Variants in TSPAN14 observed in about 807,000 individuals in gnomAD.
TSPAN14 encodes the protein tetraspanin 14.
In TSPAN14, 16 loss-of-function variants were observed where a neutral mutation model predicts 36.6. The observed-to-expected ratio is 0.44, with a 90% CI of 0.30 to 0.66. The LOEUF (loss-of-function observed/expected upper bound fraction) is 0.66. Ranked by LOEUF, TSPAN14 falls within the 30% of genes least tolerant of loss-of-function variation. The probability of loss-of-function intolerance (pLI) is 0.12; values close to 1 mark genes in which losing one functional copy is unlikely to be tolerated. For synonymous variants in TSPAN14, 139 were observed against 143.8 expected, an observed-to-expected ratio of 0.97 and a Z score of 0.24; for missense variants, 231 against 355.1, an observed-to-expected ratio of 0.65 and a Z score of 2.81.
intron 2 of TSPAN14, among the ~76,000 whole-genome samples, chr10:80,491,878 T>C (rs902285200): frequency 1.3e-5 from 2 of 152,180 alleles, no homozygotes; most frequent in Non-Finnish European, 2.9e-5. Flanking sequence ...GGAGGCCAAG[T>C]GCCTTGCCTA....
At chr10:80,494,930 G>A (rs1303461295) in intron 2 of TSPAN14, among the ~76,000 whole-genome samples, 1 of 152,110 alleles carries the variant, frequency 6.6e-6, no homozygotes, top group Non-Finnish European at 1.5e-5. Context: ...ATGCCCCAGC[G>A]TCCTGTCTGC....
intron 5 of TSPAN14, among the ~76,000 whole-genome samples, chr10:80,510,924 A>G (rs140872688): frequency 1.9e-3 from 292 of 152,264 alleles, no homozygotes; most frequent in African/African-American, 6.7e-3. Flanking sequence ...AAAACTTCCC[A>G]GGGGAGGGAT....
intron 1 of TSPAN14, among the ~76,000 whole-genome samples, chr10:80,474,674 A>G (rs901064163): frequency 8.5e-5 from 13 of 152,054 alleles, no homozygotes; most frequent in African/African-American, 2.9e-4. Context: ...TGATTATCCC[A>G]TAGGAGGGGC....
chr10:80,517,894 G>A lies in TSPAN14; in HGVS notation c.742-11G>A. 1 of 1,559,936 alleles carries A rather than the reference G, an allele frequency of 6.4e-7. No individual in the cohort carries two copies. The highest frequency in any genetic ancestry group is 8.7e-7 in the Non-Finnish European group (1 of 1,150,736). On this transcript the variant is annotated splice_polypyrimidine_tract_variant and intron_variant, in intron 8 of 8. Transcript: ENST00000429989. ...AGCAATGGCCGCTGACTCTGCTGGT[G>A]TTGGTTTCAGATATTTGGCATCTTC...
intron 1 of TSPAN14, among the ~76,000 whole-genome samples, chr10:80,455,849 G>A (rs545047390): frequency 2.0e-4 from 31 of 152,064 alleles, no homozygotes; most frequent in Non-Finnish European, 3.8e-4. Flanking sequence ...AAAGCACAGG[G>A]ATTACAGGTG....
exon 3 of TSPAN14, chr10:80,504,769 G>T: frequency 6.2e-7 from 1 of 1,614,186 alleles, no homozygotes; most frequent in East Asian, 2.2e-5. Context: ...TGTGGGCATG[G>T]AGCGAAAAGG....
intron 4 of TSPAN14, 118 bp downstream of exon 4, chr10:80,507,492 C>T (rs973732803): frequency 7.1e-7 from 1 of 1,408,004 alleles, no homozygotes; most frequent in Non-Finnish European, 9.7e-7. Flanking sequence ...TCCCCTAGGC[C>T]CCTGCCTGGG....
intron 1 of TSPAN14, among the ~76,000 whole-genome samples, chr10:80,467,626 T>C (rs1846313981): frequency 6.6e-6 from 1 of 152,220 alleles, no homozygotes; most frequent in Non-Finnish European, 1.5e-5. Flanking sequence ...CAGGATCCTT[T>C]GGAAGAAAAT....
At chr10:80,455,425 C>A (rs1442369775) in intron 1 of TSPAN14, among the ~76,000 whole-genome samples, 1 of 152,102 alleles carries the variant, frequency 6.6e-6, no homozygotes, top group Non-Finnish European at 1.5e-5. Flanking sequence ...CAGGTGTGCT[C>A]TTGGCAGTGG....
intron 1 of TSPAN14, among the ~76,000 whole-genome samples, chr10:80,468,904 A>G (rs898414251): frequency 6.6e-6 from 1 of 152,010 alleles, no homozygotes; most frequent in African/African-American, 2.4e-5. Flanking sequence ...AGCCAGCCAC[A>G]CTGTCATGCT....
At chr10:80,512,075 GATGCCCT>G in intron 5 of TSPAN14, 62 bp from the exon 6 acceptor site, 1 of 1,605,142 alleles carries the variant, frequency 6.2e-7, no homozygotes, top group Non-Finnish European at 8.5e-7. Flanking sequence ...CACTATGAAT[GATGCCCT>G]ATGCTGGGCA....
At chr10:80,476,738 GTTTTT>G (rs1031683454) in intron 1 of TSPAN14, among the ~76,000 whole-genome samples, 5 of 151,122 alleles carry the variant, frequency 3.3e-5, no homozygotes, top group Admixed American at 1.3e-4. Flanking sequence ...GTTTTGTTTT[GTTTTT>G]TTTTATATTT....
chr10:80,506,558 T>TC, intron 3 of TSPAN14, among the ~76,000 whole-genome samples: 1 of 152,320 alleles, frequency 6.6e-6, no homozygotes, highest in East Asian at 1.9e-4. Context: ...GGGCTTAGCT[T>TC]CCCCCTTGGC....
chr10:80,516,791 C>G (rs561713552), intron 8 of TSPAN14, among the ~76,000 whole-genome samples: 4 of 152,326 alleles, frequency 2.6e-5, no homozygotes, highest in African/African-American at 9.6e-5. Flanking sequence ...GTCTCTGGCC[C>G]CTGGGCTGGA....
At chr10:80,503,734 C>T (rs1292401272) in intron 2 of TSPAN14, among the ~76,000 whole-genome samples, 2 of 152,016 alleles carry the variant, frequency 1.3e-5, no homozygotes, top group Non-Finnish European at 1.5e-5. Context: ...CCATTCTAGC[C>T]CCTGGGGCTA....
At chr10:80,502,047 G>C (rs1482041647) in intron 2 of TSPAN14, among the ~76,000 whole-genome samples, 1 of 152,224 alleles carries the variant, frequency 6.6e-6, no homozygotes, top group Non-Finnish European at 1.5e-5. Context: ...CATGGAGGAT[G>C]GGGAGCAGTT....
Position 80,517,883 on chromosome 10 carries a change from ACT to A in TSPAN14, c.742-19_742-18del. On this transcript the variant is annotated intron_variant, in intron 8 of 8. Coordinates refer to ENST00000429989, the Ensembl canonical transcript of TSPAN14. ...CTTTGGGCCCCAGCAATGGCCGCTG[ACT>A]CTGCTGGTGTTGGTTTCAGATATTT... 1 of 1,555,666 alleles carries A rather than the reference ACT, an allele frequency of 6.4e-7. No homozygotes were observed. Among genetic ancestry groups the A allele is most frequent in the Non-Finnish European group, 8.7e-7 (1 of 1,148,538 alleles).
chr10:80,473,059 G>T (rs746969807), intron 1 of TSPAN14, among the ~76,000 whole-genome samples: 1 of 152,152 alleles, frequency 6.6e-6, no homozygotes. Flanking sequence ...AAAGTGTCCT[G>T]CTCTGCCTGC....
In TSPAN14 at chr10:80,486,989, T is replaced by C. The variant is rs187154788; in HGVS notation, c.-17-2228T>C. ...GTAATCTCAGCAATTTGGGAGGCCC[T>C]GGCAGGAGGATTGCTTAAGGCCAGG... On this transcript the variant is annotated intron_variant, in intron 1 of 8. Coordinates refer to ENST00000429989, the Ensembl canonical transcript of TSPAN14. Among the ~76,000 whole-genome samples, 975 of 152,258 alleles carry C rather than the reference T, an allele frequency of 6.4e-3. 13 individuals are homozygous for C. The highest frequency in any genetic ancestry group is 0.027 in the Admixed American group (413 of 15,292).
Sources: allele counts gnomAD v4.1 joint callset (sites outside exome capture counted in the v4.1 genomes callset), GRCh38; gene constraint gnomAD v4.1.1; transcripts MANE v1.5; gene names NCBI Gene and HGNC (gene_info 2026-07-23, HGNC 2026-07-21).